The following CACNB2 variants were observed in gnomAD, a reference collection of about 807,000 sequenced individuals.
CACNB2 encodes calcium voltage-gated channel auxiliary subunit beta 2.
In CACNB2, 42 loss-of-function variants were observed where a neutral mutation model predicts 73.3. That is an observed-to-expected ratio of 0.57 (90% confidence interval 0.45 to 0.74). The LOEUF (loss-of-function observed/expected upper bound fraction) is 0.74. Ranked by LOEUF, CACNB2 falls within the 30% of genes least tolerant of loss-of-function variation. The pLI is 0.00. For missense variants in CACNB2, 940 were observed against 853.0 expected, an observed-to-expected ratio of 1.10 and a Z score of -1.27; for synonymous variants, 348 against 310.3, an observed-to-expected ratio of 1.12 and a Z score of -1.28.
chr10:18,413,448 G>A (rs1337159738), intron 3 of CACNB2, among the ~76,000 whole-genome samples: 1 of 152,164 alleles, frequency 6.6e-6, no homozygotes, highest in East Asian at 1.9e-4. Flanking sequence ...CTAGTGCTTG[G>A]ATCTCAGGTC....
intron 2 of CACNB2, among the ~76,000 whole-genome samples, chr10:18,212,134 C>T (rs2035342870): frequency 1.3e-5 from 2 of 152,068 alleles, no homozygotes; most frequent in South Asian, 2.1e-4. Flanking sequence ...TGCTTAAGGC[C>T]GACCTTGGAG....
In CACNB2 at chr10:18,539,236, C is replaced by G; in HGVS notation, c.1495C>G (p.Gln499Glu). ...PTLASNSQGSQGDQRTDRSAP... is the reference protein window; with the variant it reads ...PTLASNSQGSEGDQRTDRSAP... ...GTGCTCCTTTCGCTGCCAGGGTTCT[C>G]AAGGTGATCAGAGGACTGATCGCTC... is the stretch of plus-strand genomic sequence containing the variant. The change falls in exon 14 of 14, where the codon CAA becomes GAA. Residue 499 changes from glutamine to glutamate, a missense_variant. Physicochemically the swap from Gln to Glu is conservative, Grantham distance 29. Transcript: ENST00000324631. 1.2e-6 allele frequency: 2 copies of G among 1,614,016 alleles called. No individual in the cohort carries two copies. The highest frequency in any genetic ancestry group is 8.5e-7 in the Non-Finnish European group (1 of 1,180,000).
chr10:18,480,092 T>G (rs1184087940), intron 3 of CACNB2, among the ~76,000 whole-genome samples: 18 of 152,208 alleles, frequency 1.2e-4, no homozygotes, highest in Non-Finnish European at 1.5e-5. Context: ...ACTTTGGTTC[T>G]GATGATACTT....
At chr10:18,309,057 C>T (rs898114787) in intron 2 of CACNB2, among the ~76,000 whole-genome samples, 4 of 151,946 alleles carry the variant, frequency 2.6e-5, no homozygotes, top group African/African-American at 4.8e-5. Context: ...CTCCCCTCGT[C>T]GTTACCAATT....
At chr10:18,298,233 G>T (rs140329650) in intron 2 of CACNB2, among the ~76,000 whole-genome samples, 51 of 152,260 alleles carry the variant, frequency 3.3e-4, no homozygotes, top group African/African-American at 1.1e-3. Flanking sequence ...GCTGGGCATG[G>T]TGGTGGGCGC....
intron 3 of CACNB2, among the ~76,000 whole-genome samples, chr10:18,444,219 G>A (rs757149060): frequency 1.3e-5 from 2 of 152,082 alleles, no homozygotes; most frequent in Non-Finnish European, 2.9e-5. Context: ...AATGGGATTA[G>A]TGCCCTTAGA....
At chr10:18,495,046 T>C (rs1030848030) in intron 3 of CACNB2, among the ~76,000 whole-genome samples, 2 of 152,128 alleles carry the variant, frequency 1.3e-5, no homozygotes, top group Non-Finnish European at 2.9e-5. Flanking sequence ...AATTTAAAAG[T>C]CTTAATAACT....
intron 4 of CACNB2, among the ~76,000 whole-genome samples, chr10:18,499,361 T>C (rs1016717053): frequency 6.6e-6 from 1 of 152,156 alleles, no homozygotes; most frequent in Admixed American, 6.6e-5. Context: ...CTCATGCCTG[T>C]AATCCCAACA....
At chr10:18,391,734 C>G (rs2043477534) in intron 2 of CACNB2, among the ~76,000 whole-genome samples, 1 of 151,876 alleles carries the variant, frequency 6.6e-6, no homozygotes, top group Admixed American at 6.6e-5. Context: ...CGAGACCAGC[C>G]TGGGCAGCAT....
intron 3 of CACNB2, among the ~76,000 whole-genome samples, chr10:18,429,559 A>C (rs2132810141): frequency 6.6e-6 from 1 of 151,522 alleles, no homozygotes; most frequent in South Asian, 2.1e-4. Context: ...AGGCATGGTG[A>C]CTCATACCTG....
chr10:18,337,643 G>A (rs916736521), intron 2 of CACNB2, among the ~76,000 whole-genome samples: 1 of 152,042 alleles, frequency 6.6e-6, no homozygotes, highest in Non-Finnish European at 1.5e-5. Context: ...TACTGATAAA[G>A]TTGCCCCTTC....
At chr10:18,409,150 A>T (rs189281722) in intron 3 of CACNB2, among the ~76,000 whole-genome samples, 1,636 of 152,260 alleles carry the variant, frequency 0.011, 33 homozygotes, top group African/African-American at 0.037. Flanking sequence ...TACAAAAAAA[A>T]TAGCTGGGTG....
chr10:18,152,732 A>G (rs1312784951), intron 2 of CACNB2, among the ~76,000 whole-genome samples: 1 of 108,720 alleles, frequency 9.2e-6, no homozygotes, highest in Non-Finnish European at 1.7e-5. Context: ...AAAAAAAAAA[A>G]CAAAAAACAA....
At chr10:18,212,598 T>A (rs1223365721) in intron 2 of CACNB2, among the ~76,000 whole-genome samples, 1 of 152,200 alleles carries the variant, frequency 6.6e-6, no homozygotes, top group Non-Finnish European at 1.5e-5. Flanking sequence ...AATATTTTTT[T>A]AAATGTTTGC....
intron 2 of CACNB2, among the ~76,000 whole-genome samples, chr10:18,157,603 T>A (rs2131072396): frequency 6.6e-6 from 1 of 152,336 alleles, no homozygotes; most frequent in South Asian, 2.1e-4. Context: ...TCTCCCCGTT[T>A]CACAGATGAG....
chr10:18,349,121 A>G (rs1045518207), intron 2 of CACNB2, among the ~76,000 whole-genome samples: 3 of 152,184 alleles, frequency 2.0e-5, no homozygotes, highest in African/African-American at 7.2e-5. Flanking sequence ...CCCACCAAAC[A>G]GAACAAAGGG....
chr10:18,505,617 A>G (rs1248222957), intron 5 of CACNB2, among the ~76,000 whole-genome samples: 2 of 152,210 alleles, frequency 1.3e-5, no homozygotes, highest in East Asian at 1.9e-4. Flanking sequence ...GGCCATAATA[A>G]TAAACATTAG....
In CACNB2 at chr10:18,474,773, T is replaced by A. The variant is rs530045103; in HGVS notation, c.334-23582T>A. On this transcript the variant is annotated intron_variant, in intron 3 of 13. Coordinates refer to ENST00000324631, the MANE Select transcript of CACNB2 (RefSeq NM_201596.3). ...TTCCAACAACAGATGTGGGTTGTTT[T>A]CCCCCCCAACAGCAAGCAGTTCTCC... Among the ~76,000 whole-genome samples, 7 of 151,872 alleles carry A rather than the reference T, an allele frequency of 4.6e-5. No homozygotes were observed. The South Asian group carries it at 1.3e-3, about 27-fold the overall frequency.
intron 2 of CACNB2, among the ~76,000 whole-genome samples, chr10:18,299,162 T>C (rs1417051290): frequency 6.6e-6 from 1 of 151,882 alleles, no homozygotes; most frequent in East Asian, 1.9e-4. Flanking sequence ...TTAACCCTTT[T>C]GCAAGAATTC....
Sources: gnomAD v4.1 joint callset for allele counts (sites outside exome capture counted in the v4.1 genomes callset) on GRCh38, gnomAD v4.1.1 for gene constraint, MANE v1.5 for transcripts, NCBI Gene and HGNC (gene_info 2026-07-23, HGNC 2026-07-21) for gene names.